The following AFF3 variants were observed in gnomAD, a reference collection of about 807,000 sequenced individuals.
AFF3 encodes the protein ALF transcription elongation factor 3.
In AFF3, 32 loss-of-function variants were observed where a neutral mutation model predicts 129.7. The ratio of observed to expected loss-of-function variants is 0.25; its 90% CI spans 0.19 to 0.33. The LOEUF is 0.33. Ranked by LOEUF, AFF3 falls within the 10% of genes least tolerant of loss-of-function variation. The probability of loss-of-function intolerance (pLI) is 1.00; values close to 1 mark genes in which losing one functional copy is unlikely to be tolerated. For synonymous variants in AFF3, 644 were observed against 635.4 expected, an observed-to-expected ratio of 1.01 and a Z score of -0.20; for missense variants, 1,373 against 1,592.0, an observed-to-expected ratio of 0.86 and a Z score of 2.34.
At chr2:99,855,822 C>T (rs946005270) in intron 7 of AFF3, among the ~76,000 whole-genome samples, 10 of 152,072 alleles carry the variant, frequency 6.6e-5, no homozygotes, top group Non-Finnish European at 1.2e-4. Flanking sequence ...AGTGGAGAAA[C>T]CTGTCAAACA....
At chr2:100,003,533 T>C (rs1167966326) in intron 7 of AFF3, among the ~76,000 whole-genome samples, 2 of 152,176 alleles carry the variant, frequency 1.3e-5, no homozygotes, top group Admixed American at 1.3e-4. Context: ...AAATATGTTT[T>C]TCATTAAACA....
rs1277816493 is a variant in AFF3, at chr2:100,043,026, G to A, written c.54-34094C>T. On this transcript the variant is annotated intron_variant, in intron 4 of 24. Transcript: ENST00000672756. ...GATGCAGGTAAGACACAACCCAGAA[G>A]AATTTTTTTTTTTTTAAACACAGAG... Among the ~76,000 whole-genome samples, 3 of 151,160 alleles carry A rather than the reference G, an allele frequency of 2.0e-5. No individual in the cohort carries two copies. In the East Asian group the frequency reaches 6.0e-4, roughly 30 times the overall value.
chr2:99,752,157 C>T, intron 9 of AFF3, 64 bp downstream of exon 9: 1 of 1,385,294 alleles, frequency 7.2e-7, no homozygotes, highest in Non-Finnish European at 1.0e-6. Flanking sequence ...GGGTAAAGCC[C>T]ACTGCCCACT....
At chr2:100,129,711 C>T (rs147966860) in intron 1 of AFF3, among the ~76,000 whole-genome samples, 73 of 152,274 alleles carry the variant, frequency 4.8e-4, no homozygotes, top group African/African-American at 1.5e-3. Flanking sequence ...TTTTACTGAG[C>T]GCTTAGCATG....
intron 7 of AFF3, among the ~76,000 whole-genome samples, chr2:99,961,594 G>A (rs1054207152): frequency 1.3e-5 from 2 of 152,296 alleles, no homozygotes; most frequent in South Asian, 4.1e-4. Flanking sequence ...GGTCTCAAAA[G>A]TATTTTGGAC....
At position 99,594,196 on chromosome 2, in the gene AFF3, G is replaced by A. The variant is rs1331510529; in HGVS notation, c.1465C>T (p.His489Tyr). 1.2e-6 allele frequency: 2 copies of A among 1,613,960 alleles called. No homozygotes were observed. Among genetic ancestry groups the A allele is most frequent in the Non-Finnish European group, 8.5e-7 (1 of 1,180,004 alleles). The change falls in exon 15 of 25, where the codon CAC (histidine) becomes TAC (tyrosine). Residue 489 changes from histidine (H) to tyrosine (Y), a missense_variant. This residue lies in a region of AFF3 where 413 missense variants were observed against 424.4 expected (regional missense o/e 0.97). Coordinates refer to ENST00000672756, the MANE Select transcript of AFF3 (RefSeq NM_001386135.1). ...KPPILIQNESHGSESNQYYNP... is the reference protein window; with the variant it reads ...KPPILIQNESYGSESNQYYNP... ...TAGTACTGATTGCTCTCTGACCCGT[G>A]GCTTTCATTTTGGATCAGAATAGGA...
At chr2:99,777,947 C>CAAAAAAAAGAAAAAAAA (rs1684051547) in intron 8 of AFF3, among the ~76,000 whole-genome samples, 1 of 48,338 alleles carries the variant, frequency 2.1e-5, no homozygotes, top group Non-Finnish European at 3.8e-5. Flanking sequence ...AAAGCAAAAG[C>CAAAAAAAAGAAAAAAAA]AAAAAAAAAA....
At chr2:100,021,187 T>C (rs1020840825) in intron 4 of AFF3, among the ~76,000 whole-genome samples, 25 of 152,188 alleles carry the variant, frequency 1.6e-4, no homozygotes, top group African/African-American at 6.0e-4. Flanking sequence ...TCCCCGATAA[T>C]GGCACTTCTT....
chr2:99,816,394 T>C (rs1337482330), intron 8 of AFF3, among the ~76,000 whole-genome samples: 1 of 152,204 alleles, frequency 6.6e-6, no homozygotes, highest in Non-Finnish European at 1.5e-5. Flanking sequence ...TCTTGCTGTT[T>C]TGTAAGTCTT....
chr2:100,085,635 GACTAC>G (rs2105377928), intron 4 of AFF3, among the ~76,000 whole-genome samples: 1 of 150,046 alleles, frequency 6.7e-6, no homozygotes, highest in Non-Finnish European at 1.5e-5. Flanking sequence ...ATAAGCCCTG[GACTAC>G]ACCATAGAAA....
chr2:99,787,292 G>T (rs1212812580), intron 8 of AFF3, among the ~76,000 whole-genome samples: 1 of 152,082 alleles, frequency 6.6e-6, no homozygotes, highest in Non-Finnish European at 1.5e-5. Flanking sequence ...TGACTGCCAG[G>T]CTGGGGCATA....
chr2:100,025,289 C>G (rs890888258), intron 4 of AFF3, among the ~76,000 whole-genome samples: 1 of 152,062 alleles, frequency 6.6e-6, no homozygotes, highest in Admixed American at 6.6e-5. Context: ...AACTCAACCT[C>G]TTTTACAATA....
chr2:99,758,297 T>C (rs1390172160), intron 8 of AFF3, among the ~76,000 whole-genome samples: 1 of 152,102 alleles, frequency 6.6e-6, no homozygotes, highest in East Asian at 1.9e-4. Context: ...AATCTTCACA[T>C]GCGGTCGGGC....
intron 7 of AFF3, among the ~76,000 whole-genome samples, chr2:99,947,602 AG>A (rs1434890938): frequency 3.2e-5 from 1 of 31,464 alleles, no homozygotes; most frequent in Non-Finnish European, 6.8e-5. Context: ...AAAGAAAGAA[AG>A]ATAGATAGAT....
chr2:99,549,388 G>C lies in AFF3; in HGVS notation c.*2086C>G, dbSNP rs1292454935. 3 of 181,594 alleles carry C rather than the reference G, an allele frequency of 1.7e-5. No individual in the cohort carries two copies. Among genetic ancestry groups the C allele is most frequent in the African/African-American group, 7.1e-5 (3 of 42,418 alleles). 11.2% of individuals were successfully genotyped at this position (181,594 alleles called of 1,614,324 possible). A position where few individuals can be genotyped will look rare whatever the true frequency, so the allele number is the denominator to read the frequency against. Reference sequence around the variant, plus strand: ...TCACCTGAGGTCAGGAGTTTGAGACGAGCCTGGCCAACATGGTGAAACCCA... The same window carrying C: ...TCACCTGAGGTCAGGAGTTTGAGACCAGCCTGGCCAACATGGTGAAACCCA... On this transcript the variant is annotated 3_prime_UTR_variant, in exon 25 of 25. Coordinates refer to ENST00000672756, the MANE Select transcript of AFF3 (RefSeq NM_001386135.1).
intron 12 of AFF3, among the ~76,000 whole-genome samples, chr2:99,651,361 G>C (rs1487963190): frequency 6.6e-6 from 1 of 152,074 alleles, no homozygotes; most frequent in Admixed American, 6.6e-5. Flanking sequence ...GAGGTCAGTA[G>C]ACCAGGCCTA....
At chr2:100,106,510 C>T (rs757761301) in intron 2 of AFF3, 69 of 1,000,506 alleles carry the variant, frequency 6.9e-5, no homozygotes, top group Non-Finnish European at 7.9e-5. Context: ...TTTGCTTTGG[C>T]GAAAGTGAGA....
chr2:100,110,758 C>T (rs933049174), intron 2 of AFF3, among the ~76,000 whole-genome samples: 8 of 152,208 alleles, frequency 5.3e-5, no homozygotes, highest in East Asian at 3.9e-4. Context: ...GCAGCAGACA[C>T]GGCTGGCTGC....
At chr2:99,662,144 A>G (rs1686296401) in intron 12 of AFF3, among the ~76,000 whole-genome samples, 1 of 152,216 alleles carries the variant, frequency 6.6e-6, no homozygotes, top group South Asian at 2.1e-4. Flanking sequence ...GTCTCAAAAA[A>G]AAAAAAGGCA....
Sources: allele counts gnomAD v4.1 joint callset (sites outside exome capture counted in the v4.1 genomes callset), GRCh38; gene constraint gnomAD v4.1.1; regional missense constraint gnomAD v4.1.1; transcripts MANE v1.5; gene names NCBI Gene and HGNC (gene_info 2026-07-23, HGNC 2026-07-21).